EPHA6: variants seen among roughly 807,000 people sequenced by gnomAD.
EPHA6 encodes ephrin type-A receptor 6.
In EPHA6, 50 loss-of-function variants were observed where a neutral mutation model predicts 112.0. The observed-to-expected ratio is 0.45, with a 90% CI of 0.36 to 0.56. The LOEUF (loss-of-function observed/expected upper bound fraction) is 0.56, where lower values mean the gene tolerates loss of function less well. EPHA6 is among the 20% of genes least tolerant of loss of function. The pLI, the probability that EPHA6 is intolerant of heterozygous loss-of-function variation, is 0.00. For missense variants in EPHA6, 1,280 were observed against 1,417.4 expected (o/e 0.90, Z 1.56); for synonymous variants, 529 against 490.7 (o/e 1.08, Z -1.03).
intron 3 of EPHA6, among the ~76,000 whole-genome samples, chr3:97,134,887 T>C (rs111639602): frequency 0.013 from 1,991 of 152,246 alleles, 28 homozygotes; most frequent in African/African-American, 0.045. Context: ...TGTCAACTTC[T>C]AATCTTCTGT....
At chr3:96,915,893 A>G (rs62263684) in intron 2 of EPHA6, among the ~76,000 whole-genome samples, 4,748 of 152,234 alleles carry the variant, frequency 0.031, 107 homozygotes, top group Middle Eastern at 0.065. Context: ...ACATCTGGGA[A>G]ATAGGAATAA....
At chr3:97,703,113 C>T (rs894220728) in intron 14 of EPHA6, among the ~76,000 whole-genome samples, 4 of 152,128 alleles carry the variant, frequency 2.6e-5, no homozygotes, top group African/African-American at 9.7e-5. Context: ...CTGACAGCTA[C>T]GCTAATGCAC....
intron 6 of EPHA6, among the ~76,000 whole-genome samples, chr3:97,436,147 T>C (rs545169877): frequency 6.6e-6 from 1 of 152,288 alleles, no homozygotes; most frequent in South Asian, 2.1e-4. Context: ...CTGAGGAAAT[T>C]CAAAATCAGT....
At chr3:97,012,501 CAT>C (rs1197273815) in intron 3 of EPHA6, among the ~76,000 whole-genome samples, 1 of 146,058 alleles carries the variant, frequency 6.8e-6, no homozygotes, top group Admixed American at 6.9e-5. Context: ...TATGTATATT[CAT>C]ATATATATGT....
chr3:97,224,809 C>T (rs1027475817), intron 3 of EPHA6, among the ~76,000 whole-genome samples: 1 of 151,728 alleles, frequency 6.6e-6, no homozygotes, highest in Admixed American at 6.6e-5. Context: ...ATGTAAGCTC[C>T]CCATTTAGAT....
At chr3:97,721,158 A>AT (rs2107797012) in intron 15 of EPHA6, among the ~76,000 whole-genome samples, 1 of 152,304 alleles carries the variant, frequency 6.6e-6, no homozygotes, top group East Asian at 1.9e-4. Flanking sequence ...TTCTGATACA[A>AT]TGGTAATAAG....
rs1338804659 is a variant in EPHA6 at position 97,251,485 on chromosome 3, G to C, written c.1606+7198G>C. Among the ~76,000 whole-genome samples the C allele has an allele frequency of 5.3e-5, 8 of 151,758 alleles. No individual in the cohort carries two copies. The South Asian group carries it at 1.7e-3, about 31-fold the overall frequency. On this transcript the variant is annotated intron_variant, in intron 5 of 17. Coordinates refer to ENST00000389672, the MANE Select transcript of EPHA6 (RefSeq NM_001080448.3). ...GCGGAGCTTGCAGTGAGCTGAGATCGTCCCTCTGCACTCCAGCCGACGACA... is the reference window on the plus strand; with the variant it reads ...GCGGAGCTTGCAGTGAGCTGAGATCCTCCCTCTGCACTCCAGCCGACGACA...
chr3:97,564,720 T>G (rs911374850), intron 11 of EPHA6, among the ~76,000 whole-genome samples: 3 of 152,076 alleles, frequency 2.0e-5, no homozygotes, highest in African/African-American at 4.8e-5. Flanking sequence ...ATTGCAACAT[T>G]TTGTTGGGTT....
intron 3 of EPHA6, among the ~76,000 whole-genome samples, chr3:97,146,859 A>G (rs966034964): frequency 6.6e-6 from 1 of 152,030 alleles, no homozygotes; most frequent in African/African-American, 2.4e-5. Flanking sequence ...AAATGCAAAG[A>G]TGTTTAAAAA....
At chr3:97,710,288 C>G (rs142148200) in intron 14 of EPHA6, among the ~76,000 whole-genome samples, 50 of 152,256 alleles carry the variant, frequency 3.3e-4, no homozygotes, top group African/African-American at 1.1e-3. Context: ...CATTCTTCAT[C>G]TTTTCTCTCC....
intron 5 of EPHA6, among the ~76,000 whole-genome samples, chr3:97,384,128 T>C (rs950212368): frequency 2.0e-5 from 3 of 152,212 alleles, no homozygotes; most frequent in African/African-American, 7.2e-5. Context: ...TTATAATGTT[T>C]ATTCAATGTT....
intron 1 of EPHA6, among the ~76,000 whole-genome samples, chr3:96,856,367 A>C (rs1243109644): frequency 6.6e-6 from 1 of 152,154 alleles, no homozygotes; most frequent in Non-Finnish European, 1.5e-5. Flanking sequence ...CATTGTCCTT[A>C]TTTGAAAATA....
chr3:97,089,273 ATAGT>A (rs1327249432), intron 3 of EPHA6, among the ~76,000 whole-genome samples: 32 of 152,308 alleles, frequency 2.1e-4, no homozygotes, highest in Admixed American at 2.0e-3. Flanking sequence ...CTATGGAAAA[ATAGT>A]TAACTAATAT....
At chr3:97,002,704 A>G (rs2043712143) in intron 3 of EPHA6, among the ~76,000 whole-genome samples, 1 of 152,006 alleles carries the variant, frequency 6.6e-6, no homozygotes, top group Non-Finnish European at 1.5e-5. Context: ...AGGAGTTGTA[A>G]AGAAGTCAGA....
chr3:97,189,618 T>C (rs181061819), intron 3 of EPHA6, among the ~76,000 whole-genome samples: 22 of 152,174 alleles, frequency 1.4e-4, no homozygotes, highest in African/African-American at 5.3e-4. Context: ...ATGTCCTCTA[T>C]CTCTTCTCAC....
At chr3:97,556,063 C>G (rs1167157697) in intron 11 of EPHA6, among the ~76,000 whole-genome samples, 1 of 151,914 alleles carries the variant, frequency 6.6e-6, no homozygotes, top group Non-Finnish European at 1.5e-5. Flanking sequence ...TATAGGAAAA[C>G]TAGGGCCAGC....
rs563680170 is a variant in EPHA6, at chr3:97,040,001, A to G, written c.1114+52008A>G. On this transcript the variant is annotated intron_variant, in intron 3 of 17. Transcript: ENST00000389672. ...GACCTATCATCCTGTTGTTTGAGAC[A>G]TACTATTGACTCCAGTAAGAAAACT... Among the ~76,000 whole-genome samples, 7 of 152,122 alleles carry G rather than the reference A, an allele frequency of 4.6e-5. No homozygotes were observed. In the East Asian group the frequency reaches 1.4e-3, roughly 29 times the overall value.
chr3:97,716,504 C>T (rs1306831897), intron 14 of EPHA6, among the ~76,000 whole-genome samples: 1 of 119,866 alleles, frequency 8.3e-6, no homozygotes, highest in Non-Finnish European at 1.5e-5. Flanking sequence ...GGAAGCGGAG[C>T]TTGCAGTGAG....
chr3:97,323,521 A>G (rs918591750), intron 5 of EPHA6, among the ~76,000 whole-genome samples: 1 of 151,894 alleles, frequency 6.6e-6, no homozygotes, highest in Admixed American at 6.6e-5. Flanking sequence ...ATAAATTAGT[A>G]CTCAGGTCTG....
Sources: gnomAD v4.1 joint callset for allele counts (sites outside exome capture counted in the v4.1 genomes callset) on GRCh38, gnomAD v4.1.1 for gene constraint, MANE v1.5 for transcripts, NCBI Gene and HGNC (gene_info 2026-07-23, HGNC 2026-07-21) for gene names.